ARHGAP6: variants seen among roughly 807,000 people sequenced by gnomAD.
ARHGAP6 encodes the protein rho GTPase-activating protein 6.
ARHGAP6 carries 16 observed loss-of-function variants against 55.7 expected under a neutral mutation model. The ratio of observed to expected loss-of-function variants is 0.29; its 90% CI spans 0.19 to 0.44. The LOEUF is 0.44. Among genes scored for constraint, ARHGAP6 ranks in the 20% least tolerant of loss-of-function variants. The pLI, the probability that ARHGAP6 is intolerant of heterozygous loss-of-function variation, is 1.00. For synonymous variants in ARHGAP6, 382 were observed against 360.9 expected, an observed-to-expected ratio of 1.06 and a Z score of -0.66; for missense variants, 698 against 808.9, an observed-to-expected ratio of 0.86 and a Z score of 1.66.
At chrX:11,446,225 A>G (rs987652875) in intron 1 of ARHGAP6, among the ~76,000 whole-genome samples, 7 of 111,917 alleles carry the variant, frequency 6.3e-5, no homozygotes, top group Non-Finnish European at 1.3e-4. Flanking sequence ...TCAACTGACC[A>G]CTGTGATGAG....
rs1405580120 is a variant in ARHGAP6 at position 11,572,797 on chromosome X, T to C, written c.588+91444A>G. On this transcript the variant is annotated intron_variant, in intron 1 of 12. Transcript: ENST00000337414. ...CCACAATGGTTGAACTAGTTTACAG[T>C]CCCACCAACAGTGTAAAAGTGTTCC... Among the ~76,000 whole-genome samples, 4 of 111,702 alleles carry C rather than the reference T, an allele frequency of 3.6e-5. No individual in the cohort carries two copies. In the South Asian group the frequency reaches 1.1e-3, roughly 32 times the overall value.
At chrX:11,610,726 T>C (rs1027307814) in intron 1 of ARHGAP6, among the ~76,000 whole-genome samples, 4 of 112,339 alleles carry the variant, frequency 3.6e-5, no homozygotes, top group Non-Finnish European at 5.6e-5. Context: ...TTTAGTATTT[T>C]CACAGGGTTG....
intron 1 of ARHGAP6, among the ~76,000 whole-genome samples, chrX:11,646,186 G>T (rs2052524890): frequency 9.0e-6 from 1 of 111,486 alleles, no homozygotes; most frequent in African/African-American, 3.3e-5. Flanking sequence ...TCGCTAACAT[G>T]AGAACAGCAT....
intron 1 of ARHGAP6, among the ~76,000 whole-genome samples, chrX:11,386,490 T>G (rs2049329622): frequency 9.0e-6 from 1 of 111,076 alleles, no homozygotes; most frequent in African/African-American, 3.3e-5. Flanking sequence ...AATCTAGACG[T>G]GACGAGATGC....
At chrX:11,195,731 T>A (rs2046525642) in intron 3 of ARHGAP6, among the ~76,000 whole-genome samples, 1 of 108,961 alleles carries the variant, frequency 9.2e-6, no homozygotes, top group Non-Finnish European at 1.9e-5. Flanking sequence ...ACCTGGGTGA[T>A]GAAATAATCT....
At chrX:11,473,364 T>C (rs888340281) in intron 1 of ARHGAP6, among the ~76,000 whole-genome samples, 7 of 112,061 alleles carry the variant, frequency 6.2e-5, no homozygotes, top group Non-Finnish European at 1.1e-4. Context: ...TAACCCCATG[T>C]TACCTGTGTA....
chrX:11,155,298 GTTTA>G (rs1051950058), intron 10 of ARHGAP6, among the ~76,000 whole-genome samples: 5 of 111,448 alleles, frequency 4.5e-5, no homozygotes, highest in Non-Finnish European at 9.4e-5. Flanking sequence ...TTATTTATTT[GTTTA>G]TTTATTTATT....
At chrX:11,563,679 T>C (rs778360000) in intron 1 of ARHGAP6, among the ~76,000 whole-genome samples, 1 of 110,857 alleles carries the variant, frequency 9.0e-6, no homozygotes, top group Non-Finnish European at 1.9e-5. Flanking sequence ...TAATTTCACA[T>C]CATAACCTAA....
At position 11,188,770 on chromosome X, in the gene ARHGAP6, C is replaced by T. The variant is rs151308614; in HGVS notation, c.1035G>A (p.Thr345=). ...SSTSETPNES[T]SPNTPEPAPR... is the part of the protein sequence containing the mutation. The stretch of plus-strand genomic sequence containing the variant: ...GAGCCGGTTCCGGGGTGTTTGGGGA[C>T]GTTGACTCATTCGGTGTTTCTGAGG... The change falls in exon 4 of 13, where the codon ACG becomes ACA. Residue 345 remains threonine (T), a synonymous_variant. Transcript: ENST00000337414. 4.1e-4 allele frequency: 502 copies of T among 1,210,292 alleles called. 2 individuals are homozygous for T. Among genetic ancestry groups the T allele is most frequent in the Non-Finnish European group, 3.4e-4 (302 of 895,273 alleles).
chrX:11,581,541 A>G (rs903105254), intron 1 of ARHGAP6, among the ~76,000 whole-genome samples: 1 of 112,317 alleles, frequency 8.9e-6, no homozygotes, highest in Non-Finnish European at 1.9e-5. Context: ...ATAAATGGAT[A>G]AACAAAGTGT....
In ARHGAP6 at chrX:11,553,254, T is replaced by C. The variant is rs1406442962; in HGVS notation, c.588+110987A>G. 9.1e-5 allele frequency among the ~76,000 whole-genome samples: 10 copies of C among 109,969 alleles called. No individual in the cohort carries two copies. In the Admixed American group the frequency reaches 9.7e-4, roughly 11 times the overall value. On this transcript the variant is annotated intron_variant, in intron 1 of 12. Transcript: ENST00000337414. ...TCGTTGCTTAGAACATTTTTTTTTT[T>C]TTTTTGAGACAGGGTGTCACTCTAT...
intron 1 of ARHGAP6, among the ~76,000 whole-genome samples, chrX:11,646,028 C>G (rs1043214043): frequency 5.4e-5 from 6 of 110,900 alleles, no homozygotes; most frequent in Non-Finnish European, 1.1e-4. Context: ...CTCACAGTTC[C>G]ACATGGCTGG....
chrX:11,297,456 G>C (rs998736237), intron 1 of ARHGAP6, among the ~76,000 whole-genome samples: 3 of 112,075 alleles, frequency 2.7e-5, no homozygotes, highest in Non-Finnish European at 5.6e-5. Flanking sequence ...ATATTGTTTG[G>C]AGAGTAATAT....
At position 11,188,721 on chromosome X, in the gene ARHGAP6, A is replaced by ATCT; in HGVS notation, c.1077+6_1077+7insAGA. On this transcript the variant is annotated splice_region_variant and intron_variant, in intron 4 of 12. Coordinates refer to ENST00000337414, the MANE Select transcript of ARHGAP6 (RefSeq NM_013427.3). ...ACTGGTGTCAGAGCAAATACTGGCC[A>ATCT]CCTCACCCTCCTCCTAGCCCGAGGA... 1 of 1,206,760 alleles carries ATCT rather than the reference A, an allele frequency of 8.3e-7. No homozygotes were observed. The highest frequency in any genetic ancestry group is 1.1e-6 in the Non-Finnish European group (1 of 892,847).
At chrX:11,188,694 G>T in intron 4 of ARHGAP6, 34 bp downstream of exon 4, 1 of 1,189,317 alleles carries the variant, frequency 8.4e-7, no homozygotes, top group Non-Finnish European at 1.1e-6. Context: ...AGTTTTCCTA[G>T]CACTGGTGTC....
chrX:11,324,197 T>C (rs1168472008), intron 1 of ARHGAP6, among the ~76,000 whole-genome samples: 1 of 112,122 alleles, frequency 8.9e-6, no homozygotes, highest in Admixed American at 9.4e-5. Context: ...CTGAAGCATT[T>C]CTTCAAAGAA....
At chrX:11,335,869 C>T (rs1309263183) in intron 1 of ARHGAP6, 1 of 198,575 alleles carries the variant, frequency 5.0e-6, no homozygotes, top group Admixed American at 6.6e-5. Context: ...TGGCAGCGAT[C>T]CCCTAGAGGA....
intron 1 of ARHGAP6, among the ~76,000 whole-genome samples, chrX:11,380,544 C>CA (rs1357415728): frequency 1.8e-5 from 2 of 112,044 alleles, no homozygotes; most frequent in Non-Finnish European, 1.9e-5. Context: ...CTTGAGTGTG[C>CA]AAGAAGAACT....
intron 5 of ARHGAP6, among the ~76,000 whole-genome samples, chrX:11,184,983 C>T (rs924575998): frequency 3.6e-5 from 4 of 111,957 alleles, no homozygotes; most frequent in African/African-American, 6.5e-5. Context: ...GTACAGCATG[C>T]GACTGTGCTG....
Sources: allele counts gnomAD v4.1 joint callset (sites outside exome capture counted in the v4.1 genomes callset), GRCh38; gene constraint gnomAD v4.1.1; transcripts MANE v1.5; gene names NCBI Gene and HGNC (gene_info 2026-07-23, HGNC 2026-07-21).